Variants in PPARGC1A observed in about 807,000 individuals in gnomAD.
PPARGC1A encodes PPARG coactivator 1 alpha.
Under a neutral mutation model 88.7 loss-of-function variants are expected in PPARGC1A, and 25 were observed. The observed-to-expected ratio is 0.28, with a 90% CI of 0.21 to 0.39. The LOEUF (loss-of-function observed/expected upper bound fraction) is 0.39. PPARGC1A is among the 10% of genes least tolerant of loss of function. The pLI is 1.00. For missense variants in PPARGC1A, 880 were observed against 968.7 expected (o/e 0.91, Z 1.22); for synonymous variants, 363 against 355.6 (o/e 1.02, Z -0.24).
chr4:23,946,327 G>C, the PPARGC1A span, among the ~76,000 whole-genome samples: 1 of 152,070 alleles, frequency 6.6e-6, no homozygotes, highest in African/African-American at 2.4e-5. Context: ...TATTTTCATA[G>C]AGAGAGAGCC....
chr4:24,317,686 A>AT, the PPARGC1A span, among the ~76,000 whole-genome samples: 16 of 141,426 alleles, frequency 1.1e-4, no homozygotes, highest in Admixed American at 8.1e-4. Flanking sequence ...GTAGGGCTGG[A>AT]TTTTTTTTCA....
At chr4:23,913,269 G>T in the PPARGC1A span, among the ~76,000 whole-genome samples, 3,496 of 28,276 alleles carry the variant, frequency 0.12, 38 homozygotes, top group East Asian at 0.2. Flanking sequence ...TATATATATA[G>T]AGAGAGAGAG....
chr4:24,047,253 G>A, the PPARGC1A span, among the ~76,000 whole-genome samples: 1 of 152,070 alleles, frequency 6.6e-6, no homozygotes, highest in East Asian at 1.9e-4. Flanking sequence ...TTCTTTATCA[G>A]ACTTATCACT....
chr4:24,135,653 C>G, the PPARGC1A span, among the ~76,000 whole-genome samples: 1 of 152,150 alleles, frequency 6.6e-6, no homozygotes, highest in Non-Finnish European at 1.5e-5. Context: ...CCCAGCCCAC[C>G]TCCTGAAAGA....
At chr4:24,287,672 A>C in the PPARGC1A span, among the ~76,000 whole-genome samples, 2 of 150,744 alleles carry the variant, frequency 1.3e-5, no homozygotes, top group Admixed American at 1.3e-4. Context: ...ACACAACTGC[A>C]CTCATCTGGT....
rs1299334391 is a variant in PPARGC1A at position 23,795,186 on chromosome 4, AAC to A, written c.*634_*635del. On this transcript the variant is annotated 3_prime_UTR_variant, in exon 13 of 13. Coordinates refer to ENST00000264867, the MANE Select transcript of PPARGC1A (RefSeq NM_013261.5). Reference sequence around the variant, plus strand: ...AGTTGATTCTGCACTTTCTTAAAAAAACAGAGTACAAAGGCTGATGCCCAGAC... The same window carrying A: ...AGTTGATTCTGCACTTTCTTAAAAAAAGAGTACAAAGGCTGATGCCCAGAC... 2 of 151,712 alleles carry A rather than the reference AAC, an allele frequency of 1.3e-5. No homozygotes were observed. Among genetic ancestry groups the A allele is most frequent in the African/African-American group, 4.9e-5 (2 of 41,226 alleles). 9.4% of individuals were successfully genotyped at this position (151,712 alleles called of 1,614,324 possible).
In PPARGC1A at chr4:23,793,721, A is replaced by C. The variant is rs1560299076; in HGVS notation, c.*2101T>G. On this transcript the variant is annotated 3_prime_UTR_variant, in exon 13 of 13. Transcript: ENST00000264867. ...ATGATCAAAATGGAGGTTTTTCTGA[A>C]GTTTTTATTAAATTTAGCAGAAGCA... The C allele has an allele frequency of 6.6e-6, 1 of 152,200 alleles. No individual in the cohort carries two copies. The highest frequency in any genetic ancestry group is 1.9e-4 in the East Asian group (1 of 5,178). The allele number at this position is 152,200 out of a possible 1,614,324, so 9.4% of individuals were successfully genotyped here.
the PPARGC1A span, among the ~76,000 whole-genome samples, chr4:23,979,608 G>A: frequency 6.6e-6 from 1 of 152,114 alleles, no homozygotes; most frequent in Non-Finnish European, 1.5e-5. Flanking sequence ...ATATTTACAC[G>A]ATCACTTACA....
the PPARGC1A span, among the ~76,000 whole-genome samples, chr4:24,158,239 C>T: frequency 2.2e-3 from 337 of 152,278 alleles, 2 homozygotes; most frequent in African/African-American, 7.9e-3. Flanking sequence ...AAATTCCCTG[C>T]TGTTCTACCA....
the PPARGC1A span, among the ~76,000 whole-genome samples, chr4:23,994,460 T>A: frequency 6.6e-6 from 1 of 152,080 alleles, no homozygotes; most frequent in Non-Finnish European, 1.5e-5. Flanking sequence ...AAATAGGCTC[T>A]CCTGGTGGAA....
At chr4:24,134,490 T>C in the PPARGC1A span, among the ~76,000 whole-genome samples, 18 of 152,272 alleles carry the variant, frequency 1.2e-4, no homozygotes, top group Non-Finnish European at 2.5e-4. Context: ...GCAATGCCAT[T>C]GAATCAGCAA....
upstream of PPARGC1A, among the ~76,000 whole-genome samples, chr4:23,890,693 C>T (rs1215160654): frequency 2.7e-5 from 4 of 146,524 alleles, no homozygotes; most frequent in East Asian, 4.2e-4. Context: ...ACCCAGAATT[C>T]GGCTGCCCCC....
At chr4:24,387,714 C>A in the PPARGC1A span, among the ~76,000 whole-genome samples, 2 of 140,512 alleles carry the variant, frequency 1.4e-5, no homozygotes. Context: ...TCCAGCCTGG[C>A]AAAAGAGTGA....
chr4:24,375,024 A>AAAG, the PPARGC1A span, among the ~76,000 whole-genome samples: 1 of 151,776 alleles, frequency 6.6e-6, no homozygotes, highest in African/African-American at 2.4e-5. Context: ...AAAAAAAAAA[A>AAAG]AAAAAGAAAC....
the PPARGC1A span, among the ~76,000 whole-genome samples, chr4:23,948,374 A>G: frequency 6.6e-6 from 1 of 152,278 alleles, no homozygotes; most frequent in South Asian, 2.1e-4. Flanking sequence ...ACAACAAGGC[A>G]TTTACTAAGA....
intron 10 of PPARGC1A, among the ~76,000 whole-genome samples, chr4:23,811,012 C>T (rs1720797204): frequency 6.6e-6 from 1 of 152,132 alleles, no homozygotes; most frequent in African/African-American, 2.4e-5. Flanking sequence ...TATCACTGCT[C>T]ATTTGGAAGT....
At chr4:24,157,534 G>A in the PPARGC1A span, among the ~76,000 whole-genome samples, 1 of 151,998 alleles carries the variant, frequency 6.6e-6, no homozygotes, top group Admixed American at 6.6e-5. Flanking sequence ...TATCCTATCT[G>A]CCTCTTCCTG....
chr4:23,947,327 A>C, the PPARGC1A span, among the ~76,000 whole-genome samples: 1 of 145,518 alleles, frequency 6.9e-6, no homozygotes, highest in South Asian at 2.2e-4. Flanking sequence ...TAAGGCAGAT[A>C]TAATTATAAT....
At chr4:24,092,236 G>A in the PPARGC1A span, among the ~76,000 whole-genome samples, 3 of 152,020 alleles carry the variant, frequency 2.0e-5, no homozygotes, top group East Asian at 3.9e-4. Context: ...CAATCCCACC[G>A]TAGGCCTCAA....
Sources: allele counts gnomAD v4.1 joint callset (sites outside exome capture counted in the v4.1 genomes callset), GRCh38; gene constraint gnomAD v4.1.1; transcripts MANE v1.5; gene names NCBI Gene and HGNC (gene_info 2026-07-23, HGNC 2026-07-21).